CACNA2D3: variants seen among roughly 807,000 people sequenced by gnomAD.
The protein encoded by CACNA2D3 is voltage-dependent calcium channel subunit alpha-2/delta-3.
Under a neutral mutation model 160.6 loss-of-function variants are expected in CACNA2D3, and 60 were observed. The observed-to-expected ratio is 0.37, with a 90% CI of 0.30 to 0.46. The LOEUF (loss-of-function observed/expected upper bound fraction) is 0.46, where lower values mean the gene tolerates loss of function less well. Among genes scored for constraint, CACNA2D3 ranks in the 20% least tolerant of loss-of-function variants. CACNA2D3 has a pLI of 1.00. For missense variants in CACNA2D3, 1,205 were observed against 1,365.0 expected (o/e 0.88, Z 1.85); for synonymous variants, 558 against 492.9 (o/e 1.13, Z -1.75).
At chr3:54,235,550 T>C (rs1007153282) in intron 2 of CACNA2D3, among the ~76,000 whole-genome samples, 1 of 152,134 alleles carries the variant, frequency 6.6e-6, no homozygotes, top group East Asian at 1.9e-4. Flanking sequence ...TACTAAACCA[T>C]TCATGAGAAA....
At chr3:54,935,070 C>T (rs899983584) in intron 27 of CACNA2D3, among the ~76,000 whole-genome samples, 1 of 152,178 alleles carries the variant, frequency 6.6e-6, no homozygotes, top group Non-Finnish European at 1.5e-5. Flanking sequence ...TTTCTCATCA[C>T]CTTGAACCTG....
At chr3:55,059,612 G>A (rs1704452646) in intron 35 of CACNA2D3, among the ~76,000 whole-genome samples, 1 of 152,248 alleles carries the variant, frequency 6.6e-6, no homozygotes, top group Non-Finnish European at 1.5e-5. Context: ...GCATGCTACA[G>A]TGCTCTTTTA....
chr3:54,902,877 A>G (rs1325414530), intron 27 of CACNA2D3, among the ~76,000 whole-genome samples: 1 of 152,218 alleles, frequency 6.6e-6, no homozygotes, highest in Non-Finnish European at 1.5e-5. Flanking sequence ...TAAAAATGCT[A>G]GAGTTTAGCA....
intron 4 of CACNA2D3, among the ~76,000 whole-genome samples, chr3:54,451,097 C>T (rs1700298595): frequency 6.6e-6 from 1 of 152,128 alleles, no homozygotes; most frequent in African/African-American, 2.4e-5. Flanking sequence ...AAGGCTCCAC[C>T]TTCTGGGTAC....
intron 7 of CACNA2D3, 38 bp from the exon 8 acceptor site, chr3:54,569,916 T>G (rs375873375): frequency 6.2e-7 from 1 of 1,613,382 alleles, no homozygotes; most frequent in Non-Finnish European, 8.5e-7. Flanking sequence ...AGAAGTGAAG[T>G]CAGGATTAAT....
chr3:54,667,948 A>G (rs940820382), intron 11 of CACNA2D3, among the ~76,000 whole-genome samples: 1 of 4,724 alleles, frequency 2.1e-4, no homozygotes, highest in African/African-American at 6.8e-4. Flanking sequence ...CCCCCATCTC[A>G]AAAAAAAAAA....
intron 2 of CACNA2D3, among the ~76,000 whole-genome samples, chr3:54,267,334 G>C (rs1220268817): frequency 6.6e-6 from 1 of 152,162 alleles, no homozygotes; most frequent in African/African-American, 2.4e-5. Context: ...ACTTGCTGAA[G>C]TTGCAAAGGA....
intron 3 of CACNA2D3, among the ~76,000 whole-genome samples, chr3:54,362,606 T>A (rs1698761849): frequency 6.6e-6 from 1 of 152,134 alleles, no homozygotes; most frequent in Non-Finnish European, 1.5e-5. Context: ...TCATTCTGCA[T>A]GTGGGGGAAA....
intron 27 of CACNA2D3, among the ~76,000 whole-genome samples, chr3:54,930,341 A>G (rs1026935551): frequency 1.3e-5 from 2 of 152,200 alleles, no homozygotes; most frequent in African/African-American, 4.8e-5. Flanking sequence ...AGGCCTTCTT[A>G]TGTCCAGAAC....
chr3:54,639,162 G>T (rs949212230), intron 10 of CACNA2D3: 1 of 151,312 alleles, frequency 6.6e-6, no homozygotes, highest in African/African-American at 2.4e-5. Context: ...GGGGGTTCTT[G>T]CCCCCTAGGA....
At chr3:54,515,166 G>A (rs375155321) in intron 5 of CACNA2D3, among the ~76,000 whole-genome samples, 2 of 130,962 alleles carry the variant, frequency 1.5e-5, no homozygotes, top group South Asian at 2.8e-4. Context: ...AAATCCGTGT[G>A]TGTGTGTCTG....
intron 13 of CACNA2D3, among the ~76,000 whole-genome samples, chr3:54,815,401 A>C (rs756950788): frequency 6.6e-6 from 1 of 152,196 alleles, no homozygotes; most frequent in Non-Finnish European, 1.5e-5. Context: ...CCACAGGGGC[A>C]GGGGTTTAGG....
chr3:54,550,261 C>G (rs1702134153), intron 5 of CACNA2D3, among the ~76,000 whole-genome samples: 1 of 152,210 alleles, frequency 6.6e-6, no homozygotes, highest in Admixed American at 6.5e-5. Context: ...CCCCTGCATC[C>G]CCTCTGCTGA....
intron 4 of CACNA2D3, among the ~76,000 whole-genome samples, chr3:54,464,064 C>T (rs1335066387): frequency 6.6e-6 from 1 of 152,240 alleles, no homozygotes; most frequent in Non-Finnish European, 1.5e-5. Context: ...TTGGTACCAG[C>T]AGCGGTGGCT....
At position 54,202,050 on chromosome 3, in the gene CACNA2D3, C is replaced by A. The variant is rs187418368; in HGVS notation, c.204+78456C>A. 6.5e-3 allele frequency among the ~76,000 whole-genome samples: 995 copies of A among 152,222 alleles called. 5 individuals are homozygous for A. The highest frequency in any genetic ancestry group is 0.011 in the Non-Finnish European group (727 of 68,022). ...ATTTTGGATATAAACATGTGCCATG[C>A]AATATTTGGGACATACTCTTAATAG... On this transcript the variant is annotated intron_variant, in intron 2 of 37. Transcript: ENST00000474759.
chr3:54,914,662 G>T (rs975874155), intron 27 of CACNA2D3, among the ~76,000 whole-genome samples: 1 of 152,210 alleles, frequency 6.6e-6, no homozygotes, highest in Non-Finnish European at 1.5e-5. Flanking sequence ...TCTGAATGGG[G>T]TAGGGGTTTC....
At chr3:54,988,833 A>G (rs915921542) in intron 31 of CACNA2D3, among the ~76,000 whole-genome samples, 6 of 152,322 alleles carry the variant, frequency 3.9e-5, no homozygotes, top group Middle Eastern at 3.4e-3. Context: ...GAAATGATAT[A>G]AGAACCTGGC....
chr3:54,472,959 A>G (rs1346927716), intron 4 of CACNA2D3, among the ~76,000 whole-genome samples: 1 of 152,258 alleles, frequency 6.6e-6, no homozygotes, highest in Non-Finnish European at 1.5e-5. Flanking sequence ...CATAATGCCC[A>G]AAGTAATTTA....
intron 23 of CACNA2D3, 28 bp from the exon 24 acceptor site, chr3:54,887,931 G>A (rs928228187): frequency 1.9e-6 from 3 of 1,585,024 alleles, no homozygotes; most frequent in East Asian, 4.5e-5. Flanking sequence ...CCCTGCTGAA[G>A]CATCCTCTTG....
Sources: gnomAD v4.1 joint callset for allele counts (sites outside exome capture counted in the v4.1 genomes callset) on GRCh38, gnomAD v4.1.1 for gene constraint, MANE v1.5 for transcripts, NCBI Gene and HGNC (gene_info 2026-07-23, HGNC 2026-07-21) for gene names.